Variants in KCNT2 observed in about 807,000 individuals in gnomAD.
KCNT2 encodes potassium sodium-activated channel subfamily T member 2.
In KCNT2, 67 loss-of-function variants were observed where a neutral mutation model predicts 153.8. That is an observed-to-expected ratio of 0.44 (90% confidence interval 0.36 to 0.53). The LOEUF (loss-of-function observed/expected upper bound fraction) is 0.53. Ranked by LOEUF, KCNT2 falls within the 20% of genes least tolerant of loss-of-function variation. The pLI is 0.00. For synonymous variants in KCNT2, 500 were observed against 458.8 expected (o/e 1.09, Z -1.15); for missense variants, 975 against 1,354.8 (o/e 0.72, Z 4.40).
At chr1:196,356,005 T>C (rs1482679962) in intron 14 of KCNT2, among the ~76,000 whole-genome samples, 2 of 151,766 alleles carry the variant, frequency 1.3e-5, no homozygotes, top group Non-Finnish European at 2.9e-5. Flanking sequence ...TTTAAAACAT[T>C]GTAGTGAATT....
chr1:196,499,403 C>T (rs971495657), intron 1 of KCNT2, among the ~76,000 whole-genome samples: 7 of 152,186 alleles, frequency 4.6e-5, no homozygotes, highest in African/African-American at 1.7e-4. Context: ...AGGGCAAGGG[C>T]CATATTGAGT....
At chr1:196,505,164 C>T (rs1482027254) in intron 1 of KCNT2, among the ~76,000 whole-genome samples, 4 of 152,020 alleles carry the variant, frequency 2.6e-5, no homozygotes, top group South Asian at 4.1e-4. Flanking sequence ...TTGCTCCTGC[C>T]TATGTCCTGA....
chr1:196,284,250 T>A (rs7512904), intron 23 of KCNT2, among the ~76,000 whole-genome samples: 2,218 of 9,766 alleles, frequency 0.23, 185 homozygotes, highest in African/African-American at 0.32. Context: ...AAAAAAAAAA[T>A]ATATATATAT....
chr1:196,418,891 A>T (rs112103861), intron 12 of KCNT2, among the ~76,000 whole-genome samples: 8,777 of 152,102 alleles, frequency 0.058, 392 homozygotes, highest in Non-Finnish European at 0.085. Context: ...ACACTCAACC[A>T]CATCAGGTAA....
chr1:196,493,783 T>C (rs1680040540), intron 1 of KCNT2, among the ~76,000 whole-genome samples: 1 of 152,232 alleles, frequency 6.6e-6, no homozygotes, highest in Admixed American at 6.5e-5. Flanking sequence ...TTGTATCTTC[T>C]AAAATACTTG....
intron 16 of KCNT2, among the ~76,000 whole-genome samples, chr1:196,334,625 T>A (rs947776331): frequency 6.6e-6 from 1 of 151,770 alleles, no homozygotes. Context: ...TTATGACCAC[T>A]TTTTAAAATA....
chr1:196,319,284 G>T (rs1029935222), intron 20 of KCNT2, among the ~76,000 whole-genome samples, 200 bp downstream of exon 20: 2 of 151,744 alleles, frequency 1.3e-5, no homozygotes, highest in African/African-American at 4.8e-5. Flanking sequence ...AGCAAGATTT[G>T]TTTTAATTCA....
chr1:196,412,112 G>A (rs1672388784), intron 12 of KCNT2, among the ~76,000 whole-genome samples: 1 of 151,756 alleles, frequency 6.6e-6, no homozygotes, highest in African/African-American at 2.4e-5. Context: ...ATTATCTTAG[G>A]TTAATCTTAA....
chr1:196,430,085 C>T (rs1673998950), intron 8 of KCNT2, among the ~76,000 whole-genome samples: 1 of 152,000 alleles, frequency 6.6e-6, no homozygotes, highest in South Asian at 2.1e-4. Context: ...TACCTCTAAT[C>T]CCTACCAAAA....
intron 1 of KCNT2, among the ~76,000 whole-genome samples, chr1:196,534,412 T>C (rs1334295363): frequency 1.3e-5 from 2 of 152,102 alleles, no homozygotes; most frequent in Admixed American, 1.3e-4. Flanking sequence ...AATAAATACA[T>C]ACAAGCCACA....
At chr1:196,535,227 T>C (rs1890801) in intron 1 of KCNT2, among the ~76,000 whole-genome samples, 149,716 of 152,290 alleles carry the variant, frequency 0.98, 73,637 homozygotes, top group Middle Eastern at 1. Context: ...GTAAGGCCAT[T>C]ATGATGTATT....
chr1:196,531,526 T>G (rs1654938635), intron 1 of KCNT2, among the ~76,000 whole-genome samples: 2 of 152,110 alleles, frequency 1.3e-5, no homozygotes, highest in African/African-American at 4.8e-5. Context: ...GTATAGGAAA[T>G]ACTTAATATA....
chr1:196,388,946 C>T (rs753385026), intron 13 of KCNT2, among the ~76,000 whole-genome samples: 1 of 151,704 alleles, frequency 6.6e-6, no homozygotes, highest in African/African-American at 2.4e-5. Flanking sequence ...ACAGCTTTGA[C>T]GTCTCAATAT....
chr1:196,426,827 T>C (rs886306541), intron 10 of KCNT2, among the ~76,000 whole-genome samples: 1 of 151,872 alleles, frequency 6.6e-6, no homozygotes, highest in Non-Finnish European at 1.5e-5. Context: ...GGTGGCAGAT[T>C]TCCCCCTTGC....
intron 1 of KCNT2, 23 bp from the exon 2 acceptor site, chr1:196,492,364 T>C: frequency 7.5e-7 from 1 of 1,326,186 alleles, no homozygotes; most frequent in Non-Finnish European, 1.0e-6. Context: ...AATAAAAACA[T>C]GTAAATGTAT....
Position 196,582,180 on chromosome 1 carries a change from G to A in KCNT2, c.95+26035C>T, listed in dbSNP as rs117573586. On this transcript the variant is annotated intron_variant, in intron 1 of 27. Transcript: ENST00000294725. ...CCCTTCCAGCAAGCCTAATGGCCAA[G>A]AAAAACAGGGTTCAAGTTCCTGGCT... Among the ~76,000 whole-genome samples, 21 of 152,054 alleles carry A rather than the reference G, an allele frequency of 1.4e-4. No homozygotes were observed. The East Asian group carries it at 3.9e-3, about 28-fold the overall frequency.
chr1:196,393,747 G>C (rs113562254), intron 13 of KCNT2, among the ~76,000 whole-genome samples: 1 of 151,322 alleles, frequency 6.6e-6, no homozygotes, highest in Non-Finnish European at 1.5e-5. Flanking sequence ...ATCGTGGTTT[G>C]CAACTGAGGA....
rs1414563338 is a variant in KCNT2 at position 196,398,564 on chromosome 1, A to G, written c.1293T>C (p.Ala431=). Residue 431 remains alanine, a splice_region_variant and synonymous_variant, in exon 13 of 28, where the codon GCT becomes GCC. Transcript: ENST00000294725. ...KPENKFHIKF[A]DHVVCEEEFK... The stretch of plus-strand genomic sequence containing the variant: ...ATCTCATGCAAGATAAAAACTTACC[A>G]GCAAATTTGATGTGAAATTTATTTT... 6.4e-7 allele frequency: 1 copy of G among 1,562,548 alleles called. No homozygotes were observed. Among genetic ancestry groups the G allele is most frequent in the Non-Finnish European group, 8.8e-7 (1 of 1,135,592 alleles).
At chr1:196,450,473 CATTCCTTTCCAG>C (rs1281803338) in intron 8 of KCNT2, among the ~76,000 whole-genome samples, 2 of 151,850 alleles carry the variant, frequency 1.3e-5, no homozygotes, top group Non-Finnish European at 2.9e-5. Flanking sequence ...TCCTTATTTC[CATTCCTTTCCAG>C]ATTCCTTTCC....
Sources: gnomAD v4.1 joint callset for allele counts (sites outside exome capture counted in the v4.1 genomes callset) on GRCh38, gnomAD v4.1.1 for gene constraint, MANE v1.5 for transcripts, NCBI Gene and HGNC (gene_info 2026-07-23, HGNC 2026-07-21) for gene names.